Variants in RAD21 observed in about 807,000 individuals in gnomAD.
RAD21 encodes the protein RAD21 cohesin complex component.
In RAD21, 18 loss-of-function variants were observed where a neutral mutation model predicts 71.5. The observed-to-expected ratio is 0.25, with a 90% CI of 0.17 to 0.37. The LOEUF is 0.37. Among genes scored for constraint, RAD21 ranks in the 10% least tolerant of loss-of-function variants. RAD21 has a pLI of 1.00. For synonymous variants in RAD21, 248 were observed against 254.0 expected, an observed-to-expected ratio of 0.98 and a Z score of 0.22; for missense variants, 493 against 769.1, an observed-to-expected ratio of 0.64 and a Z score of 4.25.
intron 7 of RAD21, 75 bp downstream of exon 7, chr8:116,856,571 T>G (rs750366183): frequency 9.5e-5 from 135 of 1,423,844 alleles, no homozygotes; most frequent in Middle Eastern, 1.8e-4. Context: ...ACTTTTAGTT[T>G]GTCATCTTCT....
In RAD21 at chr8:116,847,359, GA is replaced by G; in HGVS notation, c.*140del. On this transcript the variant is annotated 3_prime_UTR_variant, in exon 14 of 14. Coordinates refer to ENST00000297338, the MANE Select transcript of RAD21 (RefSeq NM_006265.3). The stretch of plus-strand genomic sequence containing the variant: ...TGAAATTGACAAATTTAATGTACTG[GA>G]AAAAAATGAAGAAGGAAAAAGGCAA... 3.4e-5 allele frequency: 23 copies of G among 685,116 alleles called. No homozygotes were observed. The highest frequency in any genetic ancestry group is 4.9e-5 in the South Asian group (2 of 41,040). The allele number at this position is 685,116 out of a possible 1,614,324, so 42.4% of individuals were successfully genotyped here.
intron 1 of RAD21, among the ~76,000 whole-genome samples, chr8:116,868,343 G>C (rs1185791014): frequency 6.6e-6 from 1 of 152,166 alleles, no homozygotes; most frequent in Non-Finnish European, 1.5e-5. Context: ...CCCTTTTACT[G>C]TTGGACAGCA....
intron 1 of RAD21, among the ~76,000 whole-genome samples, chr8:116,868,200 C>G (rs1447928337): frequency 6.6e-6 from 1 of 152,166 alleles, no homozygotes; most frequent in Non-Finnish European, 1.5e-5. Flanking sequence ...TGAGTCACCA[C>G]ACTGGACTTA....
In RAD21 at chr8:116,856,229, C is replaced by T. The variant is rs2130466389; in HGVS notation, c.874G>A (p.Asp292Asn). Residue 292 changes from aspartate to asparagine, a missense_variant, in exon 8 of 14, where the codon GAT becomes AAT. By Grantham distance (23) the Asp-to-Asn change is conservative. Transcript: ENST00000297338. The part of the protein sequence containing the change: ...DPVEPMPTMT[D>N]QTTLVPNEEE... ...TCATTTGGAACAAGTGTTGTTTGAT[C>T]AGTCATGGTTGGCATTGGTTCAACG... The T allele has an allele frequency of 1.3e-6, 2 of 1,596,060 alleles. No homozygotes were observed. Among genetic ancestry groups the T allele is most frequent in the Non-Finnish European group, 1.7e-6 (2 of 1,172,734 alleles).
At chr8:116,862,704 T>C (rs2130478607) in intron 3 of RAD21, among the ~76,000 whole-genome samples, 1 of 152,242 alleles carries the variant, frequency 6.6e-6, no homozygotes, top group African/African-American at 2.4e-5. Context: ...AACCAATCAT[T>C]ACCTAAAACA....
chr8:116,847,850 G>C (rs1217219333), intron 13 of RAD21, among the ~76,000 whole-genome samples, 159 bp from the exon 14 acceptor site: 1 of 152,088 alleles, frequency 6.6e-6, no homozygotes, highest in African/African-American at 2.4e-5. Flanking sequence ...TTGTGTCATG[G>C]GGTGGGGATG....
chr8:116,873,105 C>CA (rs1812868400), intron 1 of RAD21, among the ~76,000 whole-genome samples: 1 of 152,230 alleles, frequency 6.6e-6, no homozygotes, highest in Non-Finnish European at 1.5e-5. Context: ...CCAGTATAAT[C>CA]ATGCCTAACA....
chr8:116,860,677 A>G (rs1003644139), intron 4 of RAD21, among the ~76,000 whole-genome samples: 3 of 152,204 alleles, frequency 2.0e-5, no homozygotes, highest in East Asian at 1.9e-4. Flanking sequence ...CAGTGTGAAC[A>G]TAACTTTTAT....
At chr8:116,859,961 A>G (rs1812555077) in intron 4 of RAD21, among the ~76,000 whole-genome samples, 1 of 152,190 alleles carries the variant, frequency 6.6e-6, no homozygotes, top group South Asian at 2.1e-4. Context: ...TAAGAAAACA[A>G]AACTACCTTA....
intron 13 of RAD21, 70 bp downstream of exon 13, chr8:116,848,873 CTTT>C: frequency 9.9e-7 from 1 of 1,012,376 alleles, no homozygotes; most frequent in Non-Finnish European, 1.4e-6. Flanking sequence ...CAGCATCTAA[CTTT>C]TTTTTTTTCA....
At chr8:116,858,820 G>A (rs954061530) in intron 4 of RAD21, among the ~76,000 whole-genome samples, 4 of 151,972 alleles carry the variant, frequency 2.6e-5, no homozygotes, top group African/African-American at 4.8e-5. Flanking sequence ...ACTTCCCTGA[G>A]ACTCAGTTTC....
intron 5 of RAD21, 58 bp downstream of exon 5, chr8:116,858,291 TTGC>T (rs1554611574): frequency 7.9e-7 from 1 of 1,263,898 alleles, no homozygotes. Flanking sequence ...TCTTTTGAAA[TTGC>T]TATTAGCAAC....
rs547750022 is a variant in RAD21 at position 116,854,275 on chromosome 8, A to G, written c.1131T>C (p.Ala377=). 41 of 1,613,568 alleles carry G rather than the reference A, an allele frequency of 2.5e-5. No individual in the cohort carries two copies. The South Asian group carries it at 4.3e-4, about 17-fold the overall frequency. Residue 377 remains alanine (A), a synonymous_variant, in exon 9 of 14, where the codon GCT becomes GCC. Transcript: ENST00000297338. The part of the protein sequence containing the change: ...GGVEKLFSLP[A]QPLWNNRLLK... Reference sequence around the variant, plus strand: ...GTAGTCTGTTATTCCACAAAGGCTGAGCAGGTAAAGAAAACAGTTTTTCTA... The same window carrying G: ...GTAGTCTGTTATTCCACAAAGGCTGGGCAGGTAAAGAAAACAGTTTTTCTA...
chr8:116,847,812 G>A (rs1172085466), intron 13 of RAD21, 121 bp from the exon 14 acceptor site: 1 of 985,066 alleles, frequency 1.0e-6, no homozygotes, highest in Non-Finnish European at 1.5e-6. Context: ...TAATTTCCCA[G>A]TGTTAGAGAT....
chr8:116,870,806 G>C (rs1399540558), intron 1 of RAD21, among the ~76,000 whole-genome samples: 1 of 152,206 alleles, frequency 6.6e-6, no homozygotes, highest in African/African-American at 2.4e-5. Flanking sequence ...GAATAAGTAA[G>C]TAAGATCCAC....
rs774646542 is a variant in RAD21, at chr8:116,861,894, G to A, written c.321C>T (p.Ala107=). 1 of 1,611,644 alleles carries A rather than the reference G, an allele frequency of 6.2e-7. No homozygotes were observed. Among genetic ancestry groups the A allele is most frequent in the Non-Finnish European group, 8.5e-7 (1 of 1,178,420 alleles). Residue 107 remains alanine, a synonymous_variant, in exon 4 of 14, where the codon GCC becomes GCT. Transcript: ENST00000297338. The part of the protein sequence containing the change: ...PEENREAAYN[A]ITLPEEFHDF... ...CATGAAATTCTTCAGGTAAAGTAATGGCATTATAAGCTGCTTCCCGATTTT... is the reference window on the plus strand; with the variant it reads ...CATGAAATTCTTCAGGTAAAGTAATAGCATTATAAGCTGCTTCCCGATTTT...
Position 116,847,422 on chromosome 8 carries a change from G to A in RAD21, c.*78C>T. 1 of 1,227,876 alleles carries A rather than the reference G, an allele frequency of 8.1e-7. No individual in the cohort carries two copies. The highest frequency in any genetic ancestry group is 1.1e-6 in the Non-Finnish European group (1 of 900,758). 76.1% of individuals were successfully genotyped at this position (1,227,876 alleles called of 1,614,324 possible). A position where few individuals can be genotyped will look rare whatever the true frequency, so the allele number is the denominator to read the frequency against. ...AGACAAAAATCTAAGTTTTCTCAAAGGGTTCTGTGTCCCCTACACATGGGG... is the reference window on the plus strand; with the variant it reads ...AGACAAAAATCTAAGTTTTCTCAAAAGGTTCTGTGTCCCCTACACATGGGG... On this transcript the variant is annotated 3_prime_UTR_variant, in exon 14 of 14. Coordinates refer to ENST00000297338, the MANE Select transcript of RAD21 (RefSeq NM_006265.3).
chr8:116,862,046 G>T, intron 3 of RAD21, 106 bp from the exon 4 acceptor site: 1 of 813,980 alleles, frequency 1.2e-6, no homozygotes, highest in Non-Finnish European at 2.0e-6. Context: ...CTCATAGAAA[G>T]GTTGATAACA....
At chr8:116,871,121 T>C (rs533885666) in intron 1 of RAD21, among the ~76,000 whole-genome samples, 1 of 152,328 alleles carries the variant, frequency 6.6e-6, no homozygotes, top group South Asian at 2.1e-4. Flanking sequence ...TCCTGGTGTA[T>C]ATCTGAATAA....
Sources: gnomAD v4.1 joint callset for allele counts (sites outside exome capture counted in the v4.1 genomes callset) on GRCh38, gnomAD v4.1.1 for gene constraint, MANE v1.5 for transcripts, NCBI Gene and HGNC (gene_info 2026-07-23, HGNC 2026-07-21) for gene names.